The following PAG1 variants were observed in gnomAD, a reference collection of about 807,000 sequenced individuals.
PAG1 encodes phosphoprotein membrane anchor with glycosphingolipid microdomains 1.
Under a neutral mutation model 31.7 loss-of-function variants are expected in PAG1, and 23 were observed. The ratio of observed to expected loss-of-function variants is 0.73; its 90% CI spans 0.52 to 1.03. The LOEUF (loss-of-function observed/expected upper bound fraction) is 1.03. Ranked by LOEUF, PAG1 falls within the 50% of genes least tolerant of loss-of-function variation. The pLI is 0.00. For missense variants in PAG1, 473 were observed against 540.7 expected (o/e 0.87, Z 1.24); for synonymous variants, 214 against 210.3 (o/e 1.02, Z -0.15).
chr8:81,104,121 T>C (rs1177409444), intron 1 of PAG1, among the ~76,000 whole-genome samples: 2 of 152,174 alleles, frequency 1.3e-5, no homozygotes, highest in Admixed American at 6.5e-5. Context: ...GTCTTAATAT[T>C]TATTGACCAG....
At chr8:81,079,235 C>T (rs1330169250) in intron 1 of PAG1, among the ~76,000 whole-genome samples, 2 of 152,078 alleles carry the variant, frequency 1.3e-5, no homozygotes, top group African/African-American at 4.8e-5. Context: ...AAACAAGTAG[C>T]CACTTCTTCA....
chr8:81,006,430 C>T (rs1563626415), intron 3 of PAG1, among the ~76,000 whole-genome samples: 1 of 152,192 alleles, frequency 6.6e-6, no homozygotes, highest in Non-Finnish European at 1.5e-5. Flanking sequence ...TTCCATCTCA[C>T]TGGTTCTGTA....
rs1807147044 is a variant in PAG1, at chr8:80,974,603, G to T, written c.*1941C>A. 6.6e-6 allele frequency: 1 copy of T among 152,178 alleles called. No homozygotes were observed. The highest frequency in any genetic ancestry group is 2.4e-5 in the African/African-American group (1 of 41,438). 9.4% of individuals were successfully genotyped at this position (152,178 alleles called of 1,614,324 possible). A position where few individuals can be genotyped will look rare whatever the true frequency, so the allele number is the denominator to read the frequency against. On this transcript the variant is annotated 3_prime_UTR_variant, in exon 9 of 9. Coordinates refer to ENST00000220597, the MANE Select transcript of PAG1 (RefSeq NM_018440.4). ...TCTGCAATGTCAGACATGCAGTGTA[G>T]AGCAGTCACAAAGTCAAGCCATGAA...
chr8:81,089,440 T>G (rs371951333), intron 1 of PAG1, among the ~76,000 whole-genome samples: 3 of 152,006 alleles, frequency 2.0e-5, no homozygotes, highest in African/African-American at 7.2e-5. Flanking sequence ...TGGTGGTGGG[T>G]GCCTGTAGTC....
chr8:80,984,101 T>C (rs999450), intron 7 of PAG1, among the ~76,000 whole-genome samples: 40,852 of 152,068 alleles, frequency 0.27, 10,936 homozygotes, highest in African/African-American at 0.69. Flanking sequence ...ATTAGTTGCC[T>C]GAAGTAGATG....
chr8:81,095,032 A>G (rs1688088800), intron 1 of PAG1, among the ~76,000 whole-genome samples: 1 of 152,270 alleles, frequency 6.6e-6, no homozygotes, highest in African/African-American at 2.4e-5. Context: ...GTCTTTAGAC[A>G]CAATATTTCT....
At chr8:81,101,102 C>T (rs1281595481) in intron 1 of PAG1, among the ~76,000 whole-genome samples, 2 of 152,176 alleles carry the variant, frequency 1.3e-5, no homozygotes, top group African/African-American at 4.8e-5. Context: ...GTAGCGAAAC[C>T]ATTAAATTAA....
At chr8:81,094,370 A>G (rs1809493752) in intron 1 of PAG1, among the ~76,000 whole-genome samples, 2 of 152,170 alleles carry the variant, frequency 1.3e-5, no homozygotes, top group Admixed American at 6.5e-5. Context: ...TCTAATTATC[A>G]GTGTGCTTTT....
rs549266325 is a variant in PAG1, at chr8:81,004,999, T to G, written c.-80-11692A>C. On this transcript the variant is annotated intron_variant, in intron 3 of 8. Transcript: ENST00000220597. ...CTTTCTGAATGGAAGAAAACTGATT[T>G]CACTTTACAGTTAAAGTGAAAGCTT... is the stretch of plus-strand genomic sequence containing the variant. Among the ~76,000 whole-genome samples the G allele has an allele frequency of 2.0e-5, 3 of 152,306 alleles. 1 individual carries two copies. Among genetic ancestry groups the G allele is most frequent in the Admixed American group, 2.0e-4 (3 of 15,302 alleles).
At chr8:81,054,774 C>T (rs1398430118) in intron 2 of PAG1, among the ~76,000 whole-genome samples, 3 of 152,080 alleles carry the variant, frequency 2.0e-5, no homozygotes, top group South Asian at 2.1e-4. Context: ...TACAGGGGGC[C>T]GGAAAACATG....
intron 1 of PAG1, among the ~76,000 whole-genome samples, chr8:81,103,378 A>G (rs1197616783): frequency 6.6e-6 from 1 of 152,208 alleles, no homozygotes; most frequent in African/African-American, 2.4e-5. Context: ...GTACGAACCC[A>G]GGACACCTCA....
intron 2 of PAG1, among the ~76,000 whole-genome samples, chr8:81,034,555 G>A (rs1208390539): frequency 6.6e-6 from 1 of 152,156 alleles, no homozygotes; most frequent in African/African-American, 2.4e-5. Context: ...TGAATTCCCT[G>A]CCACAATAAA....
intron 2 of PAG1, chr8:81,037,106 C>T (rs1370154213): frequency 6.6e-6 from 1 of 151,986 alleles, no homozygotes; most frequent in Non-Finnish European, 1.5e-5. Flanking sequence ...AGTATGACAC[C>T]GGAAAAATAG....
At chr8:81,021,221 T>G (rs370877023) in intron 3 of PAG1, among the ~76,000 whole-genome samples, 7 of 152,228 alleles carry the variant, frequency 4.6e-5, no homozygotes, top group Admixed American at 4.6e-4. Context: ...GATATCATTA[T>G]CACTTTGTAT....
chr8:81,038,468 C>T (rs1049783704), intron 2 of PAG1, among the ~76,000 whole-genome samples: 5 of 152,198 alleles, frequency 3.3e-5, no homozygotes, highest in East Asian at 1.9e-4. Context: ...TCTGGTTATT[C>T]GCCTGGCAGC....
rs1393249708 is a variant in PAG1 at position 80,968,855 on chromosome 8, CAGAT to C, written c.*7685_*7688del. On this transcript the variant is annotated 3_prime_UTR_variant, in exon 9 of 9. Coordinates refer to ENST00000220597, the MANE Select transcript of PAG1 (RefSeq NM_018440.4). ...CATTTACTCAAGAGACTCAGAGTGGCAGATAGGGAATTGGGCCAACACATTTCTC... is the reference window on the plus strand; with the variant it reads ...CATTTACTCAAGAGACTCAGAGTGGCAGGGAATTGGGCCAACACATTTCTC... 6.6e-6 allele frequency: 1 copy of C among 152,056 alleles called. No homozygotes were observed. Among genetic ancestry groups the C allele is most frequent in the East Asian group, 1.9e-4 (1 of 5,192 alleles). 9.4% of individuals were successfully genotyped at this position (152,056 alleles called of 1,614,324 possible). A position where few individuals can be genotyped will look rare whatever the true frequency, so the allele number is the denominator to read the frequency against.
intron 1 of PAG1, among the ~76,000 whole-genome samples, chr8:81,084,354 G>A (rs16908547): frequency 0.1 from 15,508 of 152,100 alleles, 2,689 homozygotes; most frequent in African/African-American, 0.35. Flanking sequence ...TGAAAAGGCT[G>A]CATCCAATAG....
chr8:81,072,606 A>AG lies in PAG1; in HGVS notation c.-233-2437dup, dbSNP rs764564590. Among the ~76,000 whole-genome samples, 9 of 152,336 alleles carry AG rather than the reference A, an allele frequency of 5.9e-5. 2 individuals are homozygous for AG. Among genetic ancestry groups the AG allele is most frequent in the Admixed American group, 3.3e-4 (5 of 15,296 alleles). On this transcript the variant is annotated intron_variant, in intron 1 of 8. Transcript: ENST00000220597. ...ATAATCCCAGCTACTTAGGAGGCTG[A>AG]GGTGAGAGGATTGCTTGAGCCCAGG... is the stretch of plus-strand genomic sequence containing the variant.
At chr8:81,099,662 G>A (rs1387896404) in intron 1 of PAG1, among the ~76,000 whole-genome samples, 2 of 152,186 alleles carry the variant, frequency 1.3e-5, no homozygotes, top group African/African-American at 4.8e-5. Flanking sequence ...AGGACAGAAA[G>A]TGAGACAGAA....
Sources: gnomAD v4.1 joint callset for allele counts (sites outside exome capture counted in the v4.1 genomes callset) on GRCh38, gnomAD v4.1.1 for gene constraint, MANE v1.5 for transcripts, NCBI Gene and HGNC (gene_info 2026-07-23, HGNC 2026-07-21) for gene names.